The following CDKL4 variants were observed in gnomAD, a reference collection of about 807,000 sequenced individuals.
The protein encoded by CDKL4 is cyclin dependent kinase like 4.
Under a neutral mutation model 42.0 loss-of-function variants are expected in CDKL4, and 44 were observed. That is an observed-to-expected ratio of 1.05 (90% CI 0.82 to 1.35). The LOEUF is 1.35. Ranked by LOEUF, CDKL4 falls within the 40% of genes most tolerant of loss-of-function variation. The probability of loss-of-function intolerance (pLI) is 0.00; values close to 1 mark genes in which losing one functional copy is unlikely to be tolerated. For synonymous variants in CDKL4, 120 were observed against 121.6 expected (o/e 0.99, Z 0.09); for missense variants, 393 against 369.9 (o/e 1.06, Z -0.51).
At chr2:39,229,672 CCAAAGGTTTATATTCAT>C in intron 1 of CDKL4, 84 bp from the exon 2 acceptor site, 2 of 579,502 alleles carry the variant, frequency 3.5e-6, no homozygotes, top group Non-Finnish European at 5.9e-6. Flanking sequence ...TGTCCACATG[CCAAAGGTTTATATTCAT>C]CAATTAATTG....
At chr2:39,213,674 T>C (rs561268448) in intron 3 of CDKL4, among the ~76,000 whole-genome samples, 89 of 152,000 alleles carry the variant, frequency 5.9e-4, no homozygotes, top group African/African-American at 2.1e-3. Context: ...AATTTGAATT[T>C]TTTACATCCA....
intron 4 of CDKL4, among the ~76,000 whole-genome samples, chr2:39,209,531 C>T (rs948403820): frequency 1.3e-5 from 2 of 152,194 alleles, no homozygotes; most frequent in African/African-American, 4.8e-5. Flanking sequence ...GCACATGAAT[C>T]ACCTGGAGCT....
At position 39,190,406 on chromosome 2, in the gene CDKL4, A is replaced by G. The variant is rs755004592; in HGVS notation, c.551T>C (p.Ile184Thr). The G allele has an allele frequency of 1.2e-5, 20 of 1,613,942 alleles. No individual in the cohort carries two copies. The African/African-American group carries it at 1.3e-4, about 11-fold the overall frequency. Residue 184 changes from isoleucine (I) to threonine (T), a missense_variant, in exon 6 of 10, where the codon ATA becomes ACA. Physicochemically the swap from Ile to Thr is moderately conservative, Grantham distance 89 (BLOSUM62 -1). Coordinates refer to ENST00000451199, the Ensembl canonical transcript of CDKL4. ...TGCAAAAACACAACCAATAGCCCAT[A>G]TATCGACTGAAGAACCATACTGAGT...
At chr2:39,182,507 TG>T (rs1675495402) in intron 8 of CDKL4, among the ~76,000 whole-genome samples, 1 of 152,230 alleles carries the variant, frequency 6.6e-6, no homozygotes, top group African/African-American at 2.4e-5. Context: ...CTTGCCTGCC[TG>T]GATTAATAAC....
chr2:39,210,784 C>T (rs1677540880), intron 4 of CDKL4, among the ~76,000 whole-genome samples: 2 of 152,154 alleles, frequency 1.3e-5, no homozygotes, highest in Non-Finnish European at 2.9e-5. Context: ...TTCCATTTGG[C>T]ATCATCTTTA....
intron 5 of CDKL4, among the ~76,000 whole-genome samples, chr2:39,194,199 T>G (rs1435182674): frequency 6.6e-6 from 1 of 152,188 alleles, no homozygotes; most frequent in African/African-American, 2.4e-5. Context: ...GGCTCACACT[T>G]GTAATCCAGC....
chr2:39,174,247 A>C (rs114245690), downstream of CDKL4, among the ~76,000 whole-genome samples: 444 of 152,152 alleles, frequency 2.9e-3, 1 homozygote, highest in African/African-American at 0.01. Flanking sequence ...TCTACAAAAA[A>C]AGTTAAAAAT....
At chr2:39,211,937 A>T (rs960810031) in intron 4 of CDKL4, among the ~76,000 whole-genome samples, 1 of 152,324 alleles carries the variant, frequency 6.6e-6, no homozygotes, top group East Asian at 1.9e-4. Context: ...GAACCTGAAT[A>T]TGATCAAGCC....
At chr2:39,230,330 G>GT (rs1679022459) in intron 1 of CDKL4, among the ~76,000 whole-genome samples, 2 of 152,242 alleles carry the variant, frequency 1.3e-5, no homozygotes, top group Admixed American at 6.5e-5. Flanking sequence ...GGCAACAAGA[G>GT]TGAAACTCTG....
At chr2:39,185,378 GTA>G (rs1553381172) in intron 7 of CDKL4, among the ~76,000 whole-genome samples, 1 of 16,402 alleles carries the variant, frequency 6.1e-5, no homozygotes, top group Non-Finnish European at 1.6e-4. Context: ...ATATACATAT[GTA>G]TATATACATG....
At chr2:39,207,592 G>A (rs963677442) in intron 4 of CDKL4, among the ~76,000 whole-genome samples, 1 of 152,106 alleles carries the variant, frequency 6.6e-6, no homozygotes, top group Non-Finnish European at 1.5e-5. Context: ...CAAGTAAATG[G>A]ATTTACATCA....
At chr2:39,243,113 C>CAAAAAAAAAAAAAAAAAAA (rs57132937) in intron 1 of CDKL4, among the ~76,000 whole-genome samples, 1 of 38,420 alleles carries the variant, frequency 2.6e-5, no homozygotes, top group Non-Finnish European at 3.9e-5. Flanking sequence ...GACCCTGTCT[C>CAAAAAAAAAAAAAAAAAAA]AAAAAAAAAA....
At chr2:39,221,311 G>A (rs893102766) in intron 3 of CDKL4, among the ~76,000 whole-genome samples, 5 of 151,998 alleles carry the variant, frequency 3.3e-5, no homozygotes, top group African/African-American at 9.7e-5. Context: ...CACTGCGCCC[G>A]TCCACATTGA....
intron 7 of CDKL4, among the ~76,000 whole-genome samples, chr2:39,185,127 C>CATATATATACATATATATGTGT (rs1284191104): frequency 2.2e-5 from 3 of 134,368 alleles, no homozygotes; most frequent in African/African-American, 5.7e-5. Flanking sequence ...TATACACACA[C>CATATATATACATATATATGTGT]ATATATATAC....
At chr2:39,175,315 AG>A (rs1369112521), downstream of CDKL4, among the ~76,000 whole-genome samples, 2 of 152,226 alleles carry the variant, frequency 1.3e-5, no homozygotes, top group Non-Finnish European at 2.9e-5. Flanking sequence ...CAATTATCCG[AG>A]GGCGTTACTG....
intron 3 of CDKL4, among the ~76,000 whole-genome samples, chr2:39,219,634 T>C (rs1678181853): frequency 6.6e-6 from 1 of 152,002 alleles, no homozygotes; most frequent in South Asian, 2.1e-4. Flanking sequence ...TTGCCCAGAG[T>C]GGTCTTGAAC....
Position 39,234,116 on chromosome 2 carries a change from T to A in CDKL4, c.-56-4528A>T, listed in dbSNP as rs1017039443. 1.3e-5 allele frequency among the ~76,000 whole-genome samples: 2 copies of A among 151,844 alleles called. 1 individual carries two copies. The highest frequency in any genetic ancestry group is 3.9e-4 in the East Asian group (2 of 5,176). On this transcript the variant is annotated intron_variant, in intron 1 of 9. Transcript: ENST00000451199. ...TTTTAGTACAGGTGGGGTTTCACTGTGTTAGCCAGGACGGTCTCGATCTCC... is the reference window on the plus strand; with the variant it reads ...TTTTAGTACAGGTGGGGTTTCACTGAGTTAGCCAGGACGGTCTCGATCTCC...
chr2:39,200,774 T>C (rs760431029), intron 5 of CDKL4, among the ~76,000 whole-genome samples: 24 of 152,272 alleles, frequency 1.6e-4, no homozygotes, highest in Admixed American at 1.2e-3. Context: ...GCTGGTATAA[T>C]TGGCAAGCCA....
chr2:39,168,052 ATATT>A, the CDKL4 span, among the ~76,000 whole-genome samples: 3 of 152,202 alleles, frequency 2.0e-5, no homozygotes, highest in Admixed American at 6.5e-5. Context: ...AGTCACCAAA[ATATT>A]TAATCTCATA....
Sources: allele counts gnomAD v4.1 joint callset (sites outside exome capture counted in the v4.1 genomes callset), GRCh38; gene constraint gnomAD v4.1.1; transcripts MANE v1.5; gene names NCBI Gene and HGNC (gene_info 2026-07-23, HGNC 2026-07-21).